Variants in IL1RAPL2 observed in about 807,000 individuals in gnomAD.
IL1RAPL2 encodes the protein interleukin 1 receptor accessory protein like 2.
IL1RAPL2 carries 3 observed loss-of-function variants against 44.1 expected under a neutral mutation model. That is an observed-to-expected ratio of 0.07 (90% CI 0.03 to 0.18). IL1RAPL2 has a LOEUF of 0.18. IL1RAPL2 is among the 10% of genes least tolerant of loss of function. IL1RAPL2 has a pLI of 1.00. For synonymous variants in IL1RAPL2, 181 were observed against 178.8 expected (o/e 1.01, Z -0.10); for missense variants, 391 against 496.4 (o/e 0.79, Z 2.02).
intron 2 of IL1RAPL2, among the ~76,000 whole-genome samples, chrX:104,903,623 G>T (rs59642330): frequency 0.057 from 6,299 of 110,744 alleles, 467 homozygotes; most frequent in African/African-American, 0.2. Context: ...TGTTGCCCAG[G>T]CTGGAGTGCA....
chrX:105,480,761 G>A (rs761252565), intron 5 of IL1RAPL2, among the ~76,000 whole-genome samples: 11 of 111,923 alleles, frequency 9.8e-5, no homozygotes, highest in African/African-American at 3.6e-4. Context: ...CAAGAAATGA[G>A]CTTGCCTCCC....
intron 2 of IL1RAPL2, among the ~76,000 whole-genome samples, chrX:104,760,698 G>T (rs1355099752): frequency 9.0e-6 from 1 of 111,396 alleles, no homozygotes. Flanking sequence ...CTTGTCAGAT[G>T]GATAGTTTGA....
At chrX:105,464,906 A>G (rs2036117617) in intron 5 of IL1RAPL2, among the ~76,000 whole-genome samples, 1 of 111,093 alleles carries the variant, frequency 9.0e-6, no homozygotes, top group Admixed American at 9.6e-5. Flanking sequence ...CACCCCAGTT[A>G]ACCTAATGTG....
chrX:105,315,852 C>G (rs1433694404), intron 5 of IL1RAPL2, among the ~76,000 whole-genome samples: 1 of 107,105 alleles, frequency 9.3e-6, no homozygotes, highest in Non-Finnish European at 1.9e-5. Context: ...CTCCCTAGCC[C>G]CTGGCAACCA....
chrX:105,284,777 G>C (rs1022450253), intron 5 of IL1RAPL2, among the ~76,000 whole-genome samples: 5 of 111,427 alleles, frequency 4.5e-5, no homozygotes, highest in African/African-American at 6.5e-5. Context: ...ACTGAGTTGG[G>C]ATTTGAAGGC....
chrX:104,849,970 CAT>C (rs1922183895), intron 2 of IL1RAPL2, among the ~76,000 whole-genome samples: 1 of 110,809 alleles, frequency 9.0e-6, no homozygotes. Flanking sequence ...TATACCTAGA[CAT>C]GTGTGTATAT....
chrX:104,694,457 T>C (rs1426933102), intron 2 of IL1RAPL2, among the ~76,000 whole-genome samples: 1 of 112,201 alleles, frequency 8.9e-6, no homozygotes, highest in Non-Finnish European at 1.9e-5. Context: ...TCTATTGTTC[T>C]GTACCATTTA....
intron 5 of IL1RAPL2, among the ~76,000 whole-genome samples, chrX:105,393,145 AAGGT>A (rs2035538972): frequency 9.0e-6 from 1 of 111,245 alleles, no homozygotes; most frequent in Non-Finnish European, 1.9e-5. Flanking sequence ...CTCAGAGGTT[AAGGT>A]TTTTCAAGGA....
intron 6 of IL1RAPL2, among the ~76,000 whole-genome samples, chrX:105,556,783 T>G (rs766021287): frequency 8.9e-6 from 1 of 112,182 alleles, no homozygotes; most frequent in East Asian, 2.8e-4. Flanking sequence ...TTATTAATGT[T>G]TAGTGGAAGA....
At chrX:104,604,333 T>C (rs766217574) in intron 1 of IL1RAPL2, among the ~76,000 whole-genome samples, 48 of 111,233 alleles carry the variant, frequency 4.3e-4, no homozygotes, top group African/African-American at 1.5e-3. Context: ...GAACAACCAG[T>C]ACCAGCCACT....
At chrX:104,884,377 C>T (rs748211753) in intron 2 of IL1RAPL2, among the ~76,000 whole-genome samples, 5 of 111,885 alleles carry the variant, frequency 4.5e-5, no homozygotes, top group Admixed American at 9.5e-5. Context: ...TCTGCTGCTG[C>T]GTCAGTGAGT....
intron 2 of IL1RAPL2, among the ~76,000 whole-genome samples, chrX:105,139,831 G>T (rs2033110304): frequency 8.9e-6 from 1 of 112,265 alleles, no homozygotes; most frequent in Admixed American, 9.4e-5. Context: ...TTATTCCATA[G>T]AAAACAAGTA....
At chrX:104,917,793 C>G (rs190638977) in intron 2 of IL1RAPL2, among the ~76,000 whole-genome samples, 18 of 111,803 alleles carry the variant, frequency 1.6e-4, no homozygotes, top group Middle Eastern at 4.6e-3. Flanking sequence ...TGGCTTAAAA[C>G]GTTGCCTAGA....
chrX:104,812,872 A>T (rs1001744087), intron 2 of IL1RAPL2, among the ~76,000 whole-genome samples: 6 of 110,370 alleles, frequency 5.4e-5, no homozygotes, highest in African/African-American at 2.0e-4. Flanking sequence ...TGATTTTTGG[A>T]CTGTAGAGTA....
intron 1 of IL1RAPL2, among the ~76,000 whole-genome samples, chrX:104,574,127 T>C (rs1928200169): frequency 9.0e-6 from 1 of 111,469 alleles, no homozygotes; most frequent in Admixed American, 9.6e-5. Context: ...GACTGAAGGC[T>C]TAAAGGAAAA....
chrX:105,519,101 C>T (rs1399427542), intron 6 of IL1RAPL2, among the ~76,000 whole-genome samples: 1 of 112,173 alleles, frequency 8.9e-6, no homozygotes, highest in Non-Finnish European at 1.9e-5. Flanking sequence ...AGAGTTGGAA[C>T]ACAGATCTTC....
intron 2 of IL1RAPL2, among the ~76,000 whole-genome samples, chrX:105,030,810 T>C (rs2031477805): frequency 8.9e-6 from 1 of 111,930 alleles, no homozygotes; most frequent in Non-Finnish European, 1.9e-5. Context: ...AGGGATGGCA[T>C]TGAATCTATA....
intron 2 of IL1RAPL2, among the ~76,000 whole-genome samples, chrX:105,090,786 C>G (rs990191345): frequency 1.8e-5 from 2 of 112,344 alleles, no homozygotes. Context: ...GCTACTACAC[C>G]TTTGCTTCTT....
intron 6 of IL1RAPL2, among the ~76,000 whole-genome samples, chrX:105,660,553 AAAT>A (rs1374710139): frequency 9.0e-6 from 1 of 111,659 alleles, no homozygotes; most frequent in Non-Finnish European, 1.9e-5. Context: ...AGAAATAAAA[AAAT>A]AATAACCATA....
Sources: gnomAD v4.1 joint callset for allele counts (sites outside exome capture counted in the v4.1 genomes callset) on GRCh38, gnomAD v4.1.1 for gene constraint, MANE v1.5 for transcripts, NCBI Gene and HGNC (gene_info 2026-07-23, HGNC 2026-07-21) for gene names.